Variants in LITAF observed in about 807,000 individuals in gnomAD.
LITAF encodes the protein lipopolysaccharide-induced tumor necrosis factor-alpha factor.
Under a neutral mutation model 14.5 loss-of-function variants are expected in LITAF, and 9 were observed. The ratio of observed to expected loss-of-function variants is 0.62; its 90% confidence interval spans 0.37 to 1.08. The LOEUF (loss-of-function observed/expected upper bound fraction) is 1.08, where lower values mean the gene tolerates loss of function less well. Ranked by LOEUF, LITAF falls within the 50% of genes least tolerant of loss-of-function variation. The pLI, the probability that LITAF is intolerant of heterozygous loss-of-function variation, is 0.01. For missense variants in LITAF, 206 were observed against 213.4 expected, an observed-to-expected ratio of 0.97 and a Z score of 0.22; for synonymous variants, 98 against 88.2, an observed-to-expected ratio of 1.11 and a Z score of -0.62.
chr16:11,637,538 C>G (rs957625220), upstream of LITAF, among the ~76,000 whole-genome samples: 1 of 152,230 alleles, frequency 6.6e-6, no homozygotes, highest in Non-Finnish European at 1.5e-5. Context: ...ATGAAACAAT[C>G]CACCAAGGAC....
chr16:11,581,936 G>A (rs2064743672), intron 1 of LITAF, among the ~76,000 whole-genome samples: 1 of 152,150 alleles, frequency 6.6e-6, no homozygotes, highest in Non-Finnish European at 1.5e-5. Context: ...AGGTTACAAA[G>A]GGGAGGGGAA....
chr16:11,593,777 C>G (rs528380718), intron 1 of LITAF, among the ~76,000 whole-genome samples: 15 of 152,306 alleles, frequency 9.8e-5, no homozygotes, highest in African/African-American at 3.4e-4. Flanking sequence ...ATTCCATTTA[C>G]ATGAAATGTC....
Position 11,560,395 on chromosome 16 carries a change from G to C in LITAF, c.-5-3660C>G, listed in dbSNP as rs58365487. ...GGAGGCTGAGATGGGTGGATCATTT[G>C]AGGTAAGGAGTTCGAGACCAGCCTG... On this transcript the variant is annotated intron_variant, in intron 1 of 3. Transcript: ENST00000622633. 4.6e-3 allele frequency among the ~76,000 whole-genome samples: 695 copies of C among 151,770 alleles called. 7 individuals carry two copies. Among genetic ancestry groups the C allele is most frequent in the African/African-American group, 0.016 (654 of 41,352 alleles).
chr16:11,612,992 C>T (rs13335254), intron 3 of LITAF, among the ~76,000 whole-genome samples: 77,396 of 152,002 alleles, frequency 0.51, 22,087 homozygotes, highest in African/African-American at 0.78. Context: ...GCAAGGCCAG[C>T]CATTCAGGTG....
intron 1 of LITAF, among the ~76,000 whole-genome samples, chr16:11,559,338 C>T (rs925916836): frequency 6.6e-6 from 1 of 152,086 alleles, no homozygotes. Flanking sequence ...TTTTACTTGC[C>T]AATGAATTTT....
In LITAF at chr16:11,548,602, T is replaced by C. The variant is rs1239497220; in HGVS notation, c.*1035A>G. 2.3e-6 allele frequency: 1 copy of C among 434,194 alleles called. No homozygotes were observed. The highest frequency in any genetic ancestry group is 7.0e-5 in the East Asian group (1 of 14,320). 26.9% of individuals were successfully genotyped at this position (434,194 alleles called of 1,614,324 possible). A position where few individuals can be genotyped will look rare whatever the true frequency, so the allele number is the denominator to read the frequency against. ...CATTTCTTTTTCTTTTTTTTTTTTT[T>C]AAGTGAGACTACATTGGCAAATGGG... On this transcript the variant is annotated 3_prime_UTR_variant, in exon 4 of 4. Coordinates refer to ENST00000622633, the MANE Select transcript of LITAF (RefSeq NM_001136472.2).
intron 1 of LITAF, among the ~76,000 whole-genome samples, chr16:11,568,405 TGTCAC>T (rs1297085739): frequency 6.6e-6 from 1 of 152,080 alleles, no homozygotes; most frequent in Non-Finnish European, 1.5e-5. Context: ...CAGAAATACT[TGTCAC>T]TCCACGCTCA....
At chr16:11,628,009 C>CAAAAAAAAAAAAAAAAAAAAA (rs34480494) in intron 3 of LITAF, among the ~76,000 whole-genome samples, 1 of 54,752 alleles carries the variant, frequency 1.8e-5, no homozygotes, top group Non-Finnish European at 3.2e-5. Flanking sequence ...GAGACTCTGT[C>CAAAAAAAAAAAAAAAAAAAAA]AAAAAAAAAA....
intron 3 of LITAF, among the ~76,000 whole-genome samples, chr16:11,617,252 C>G (rs1444658889): frequency 1.3e-5 from 2 of 151,830 alleles, no homozygotes; most frequent in African/African-American, 4.8e-5. Flanking sequence ...AAAAAAGATG[C>G]CAGCACATTG....
chr16:11,614,641 C>T (rs779051061), intron 3 of LITAF, among the ~76,000 whole-genome samples: 2 of 152,030 alleles, frequency 1.3e-5, no homozygotes, highest in Non-Finnish European at 2.9e-5. Flanking sequence ...ACTCTGTCAC[C>T]CAGACTGGAA....
rs545700755 is a variant in LITAF at position 11,579,280 on chromosome 16, T to A, written c.-6+7606A>T. Among the ~76,000 whole-genome samples, 48 of 149,768 alleles carry A rather than the reference T, an allele frequency of 3.2e-4. 1 individual carries two copies. In the East Asian group the frequency reaches 7.9e-3, roughly 25 times the overall value. The stretch of plus-strand genomic sequence containing the variant: ...TCCTGGCTAACACGGTGAAACCCCG[T>A]CTCTACTAAAAATACAAAAAATTAG... On this transcript the variant is annotated intron_variant, in intron 1 of 3. Coordinates refer to ENST00000622633, the MANE Select transcript of LITAF (RefSeq NM_001136472.2).
At position 11,611,958 on chromosome 16, in the gene LITAF, C is replaced by G. The variant is rs145167503; in HGVS notation, c.85+21575G>C. Among the ~76,000 whole-genome samples, 10 of 152,332 alleles carry G rather than the reference C, an allele frequency of 6.6e-5. No homozygotes were observed. In the East Asian group the frequency reaches 1.9e-3, roughly 29 times the overall value. On this transcript the variant is annotated intron_variant, in intron 3 of 3. Coordinates refer to the LITAF transcript ENST00000574848. ...GGGATGACAGGTGTGAGCCGCTGCGCCTGGCCCTCCCATTTCGACTGTTGT... is the reference window on the plus strand; with the variant it reads ...GGGATGACAGGTGTGAGCCGCTGCGGCTGGCCCTCCCATTTCGACTGTTGT...
intron 1 of LITAF, among the ~76,000 whole-genome samples, chr16:11,565,043 G>A (rs575500937): frequency 3.1e-4 from 44 of 143,230 alleles, no homozygotes; most frequent in Non-Finnish European, 4.7e-4. Flanking sequence ...TTGCTCTGTC[G>A]CTCAGGCTGG....
chr16:11,554,410 G>C (rs528545708), intron 2 of LITAF, among the ~76,000 whole-genome samples: 5 of 152,266 alleles, frequency 3.3e-5, no homozygotes, highest in Middle Eastern at 3.4e-3. Flanking sequence ...GAACTGTGTT[G>C]ATACAAGAAA....
intron 3 of LITAF, among the ~76,000 whole-genome samples, chr16:11,622,102 G>A (rs2065054409): frequency 6.6e-6 from 1 of 152,214 alleles, no homozygotes; most frequent in Non-Finnish European, 1.5e-5. Context: ...TGATGAGGGT[G>A]GAGGCAGTGG....
At chr16:11,574,509 T>C (rs1401560515) in intron 1 of LITAF, among the ~76,000 whole-genome samples, 4 of 152,264 alleles carry the variant, frequency 2.6e-5, no homozygotes, top group African/African-American at 7.2e-5. Context: ...GCCATAGTAA[T>C]ATTACATATT....
At chr16:11,557,355 C>T (rs2064290934) in intron 1 of LITAF, among the ~76,000 whole-genome samples, 2 of 152,180 alleles carry the variant, frequency 1.3e-5, no homozygotes, top group Middle Eastern at 3.4e-3. Context: ...TCTTTCTTCA[C>T]CTGGGGGCTG....
At chr16:11,552,052 G>A (rs2064190012) in intron 3 of LITAF, among the ~76,000 whole-genome samples, 2 of 152,002 alleles carry the variant, frequency 1.3e-5, no homozygotes, top group African/African-American at 4.8e-5. Context: ...TGACCTCAAG[G>A]AAGTTAACTA....
intron 3 of LITAF, among the ~76,000 whole-genome samples, chr16:11,552,137 A>T (rs1252742010): frequency 1.3e-5 from 2 of 152,186 alleles, no homozygotes; most frequent in Non-Finnish European, 2.9e-5. Flanking sequence ...CAAGTCACCA[A>T]AGGACAATGT....
Sources: gnomAD v4.1 joint callset for allele counts (sites outside exome capture counted in the v4.1 genomes callset) on GRCh38, gnomAD v4.1.1 for gene constraint, MANE v1.5 for transcripts, NCBI Gene and HGNC (gene_info 2026-07-23, HGNC 2026-07-21) for gene names.